Variants in TCEA3 observed in about 807,000 individuals in gnomAD.
The protein encoded by TCEA3 is transcription elongation factor A3, also known as transcription elongation factor A protein 3.
TCEA3 carries 36 observed loss-of-function variants against 44.0 expected under a neutral mutation model. The ratio of observed to expected loss-of-function variants is 0.82; its 90% CI spans 0.63 to 1.08. The LOEUF is 1.08. Ranked by LOEUF, TCEA3 falls within the 50% of genes least tolerant of loss-of-function variation. TCEA3 has a pLI of 0.00. For synonymous variants in TCEA3, 162 were observed against 159.7 expected, an observed-to-expected ratio of 1.01 and a Z score of -0.11; for missense variants, 392 against 441.2, an observed-to-expected ratio of 0.89 and a Z score of 1.00.
chr1:23,398,302 A>T (rs1214232762), intron 5 of TCEA3, among the ~76,000 whole-genome samples: 1 of 152,254 alleles, frequency 6.6e-6, no homozygotes, highest in Non-Finnish European at 1.5e-5. Context: ...GTTACTCATT[A>T]TAGAACAGTG....
At chr1:23,406,189 T>C (rs1420955754) in intron 5 of TCEA3, among the ~76,000 whole-genome samples, 2 of 152,210 alleles carry the variant, frequency 1.3e-5, no homozygotes, top group African/African-American at 4.8e-5. Flanking sequence ...CCAGATAGCT[T>C]CCATGCATCA....
intron 7 of TCEA3, among the ~76,000 whole-genome samples, chr1:23,394,339 CA>C (rs1201250631): frequency 6.6e-6 from 1 of 152,170 alleles, no homozygotes; most frequent in Non-Finnish European, 1.5e-5. Context: ...GTGAGTCACA[CA>C]ACCTCTACAC....
rs146579550 is a variant in TCEA3 at position 23,410,621 on chromosome 1, G to A, written c.381-1895C>T. On this transcript the variant is annotated intron_variant, in intron 4 of 10. Transcript: ENST00000450454. ...GTTCAAAACCAGCCTGGCCAACATG[G>A]TGAAACCCCATCTCTACTAAAAATA... 2.3e-3 allele frequency among the ~76,000 whole-genome samples: 352 copies of A among 151,998 alleles called. 2 individuals carry two copies. Among genetic ancestry groups the A allele is most frequent in the Non-Finnish European group, 3.6e-3 (246 of 67,998 alleles).
At chr1:23,418,967 C>T in intron 2 of TCEA3, 110 bp downstream of exon 2, 3 of 689,644 alleles carry the variant, frequency 4.4e-6, no homozygotes, top group African/African-American at 1.9e-5. Flanking sequence ...TCCCCACAGG[C>T]CCCCCTCAGA....
intron 7 of TCEA3, among the ~76,000 whole-genome samples, chr1:23,395,251 C>T (rs1282148791): frequency 4.6e-5 from 7 of 152,214 alleles, no homozygotes; most frequent in Non-Finnish European, 1.0e-4. Flanking sequence ...TATTGATATG[C>T]GGAGCCAGCA....
chr1:23,394,487 T>C (rs1019457578), intron 7 of TCEA3, among the ~76,000 whole-genome samples: 4 of 152,186 alleles, frequency 2.6e-5, no homozygotes, highest in Non-Finnish European at 5.9e-5. Context: ...GGATAACTTC[T>C]AGTTTGGAAG....
intron 5 of TCEA3, among the ~76,000 whole-genome samples, chr1:23,401,040 G>C (rs1490847923): frequency 6.6e-6 from 1 of 152,152 alleles, no homozygotes; most frequent in Non-Finnish European, 1.5e-5. Flanking sequence ...AGTAGCCCAG[G>C]CTTCTCAGGA....
rs1434341355 is a variant in TCEA3, at chr1:23,387,266, T to C, written c.966+7A>G. 6.2e-7 allele frequency: 1 copy of C among 1,613,574 alleles called. No homozygotes were observed. The highest frequency in any genetic ancestry group is 1.7e-5 in the Admixed American group (1 of 59,976). ...GCACCTCCGGCCCGTCCCCTCACTG[T>C]CCTTACCTGGTTATAGGTGCAGTTC... On this transcript the variant is annotated splice_region_variant and intron_variant, in intron 9 of 10. Transcript: ENST00000450454.
chr1:23,382,726 T>C (rs1420040564), intron 10 of TCEA3, among the ~76,000 whole-genome samples: 1 of 152,202 alleles, frequency 6.6e-6, no homozygotes, highest in African/African-American at 2.4e-5. Context: ...TAGATATGAA[T>C]ACCCTCATTT....
At position 23,424,643 on chromosome 1, in the gene TCEA3, C is replaced by T; in HGVS notation, c.-10G>A. 2 of 1,604,340 alleles carry T rather than the reference C, an allele frequency of 1.2e-6. No individual in the cohort carries two copies. The highest frequency in any genetic ancestry group is 2.3e-5 in the East Asian group (1 of 44,288). On this transcript the variant is annotated 5_prime_UTR_variant, in exon 1 of 11. Coordinates refer to ENST00000450454, the MANE Select transcript of TCEA3 (RefSeq NM_003196.3). ...CCTCTTCCTGGCCCATGTTGGCCCG[C>T]GACGCCCGGCGGGGCGAGGGGCACA...
In TCEA3 at chr1:23,387,309, G is replaced by T; in HGVS notation, c.930C>A (p.Cys310Ter). The T allele has an allele frequency of 6.2e-7, 1 of 1,613,952 alleles. No individual in the cohort carries two copies. The highest frequency in any genetic ancestry group is 8.5e-7 in the Non-Finnish European group (1 of 1,179,872). The change falls in exon 9 of 11, where the codon TGC (cysteine) becomes TGA (stop). Residue 310 changes from cysteine (C) to a stop codon, truncating the protein, a stop_gained. Coordinates refer to ENST00000450454, the MANE Select transcript of TCEA3 (RefSeq NM_003196.3). LOFTEE classifies it high-confidence loss of function. ...TGCAGTTCTTCTTCTTGCATTTGCT[G>T]CACTGGAAGAGGTCAGTGGTGGTGC... ...TGGTTTDLFQ[C>*]SKCKKKNCTY...
intron 8 of TCEA3, among the ~76,000 whole-genome samples, chr1:23,392,541 ACG>A (rs1639083639): frequency 8.2e-5 from 7 of 85,164 alleles, no homozygotes; most frequent in African/African-American, 3.3e-4. Flanking sequence ...CACATCATAC[ACG>A]CCACATACAC....
rs74578480 is a variant in TCEA3, at chr1:23,419,413, C to G, written c.70-274G>C. ...GTGCCTCTCCCCAGGAATGCCCTCC[C>G]CCTTCCCCATCTTTCCTCCCAAATG... is the stretch of plus-strand genomic sequence containing the variant. On this transcript the variant is annotated intron_variant, in intron 1 of 10. Transcript: ENST00000450454. The G allele has an allele frequency of 6.2e-3, 2,121 of 343,856 alleles. 45 individuals are homozygous for G. The highest frequency in any genetic ancestry group is 0.04 in the African/African-American group (1,896 of 47,606). 21.3% of individuals were successfully genotyped at this position (343,856 alleles called of 1,614,324 possible).
chr1:23,413,622 C>T (rs915372059), intron 4 of TCEA3, among the ~76,000 whole-genome samples: 4 of 151,796 alleles, frequency 2.6e-5, no homozygotes, highest in South Asian at 2.1e-4. Flanking sequence ...TTAGTAGAGA[C>T]AGGGTTTCAC....
At chr1:23,394,105 G>A in intron 7 of TCEA3, 72 bp from the exon 8 acceptor site, 1 of 1,555,044 alleles carries the variant, frequency 6.4e-7, no homozygotes, top group Non-Finnish European at 8.7e-7. Flanking sequence ...CCTGACGCCT[G>A]AGAGCTCCAG....
chr1:23,419,169 G>A (rs767400805), intron 1 of TCEA3, 30 bp from the exon 2 acceptor site: 4 of 1,557,740 alleles, frequency 2.6e-6, no homozygotes, highest in Admixed American at 3.8e-5. Context: ...GAGGACTGGG[G>A]CCTGGGTCCT....
At chr1:23,394,526 C>G (rs900979143) in intron 7 of TCEA3, among the ~76,000 whole-genome samples, 7 of 152,156 alleles carry the variant, frequency 4.6e-5, no homozygotes, top group Admixed American at 2.6e-4. Flanking sequence ...GTCCAGCTGT[C>G]AGAGGAAAAG....
chr1:23,407,085 A>C (rs1183423538), intron 5 of TCEA3, among the ~76,000 whole-genome samples: 2 of 152,182 alleles, frequency 1.3e-5, no homozygotes, highest in African/African-American at 4.8e-5. Flanking sequence ...CCTGATTTGC[A>C]TAAGCACAGT....
At chr1:23,384,310 A>G in intron 10 of TCEA3, 36 bp downstream of exon 10, 1 of 1,613,716 alleles carries the variant, frequency 6.2e-7, no homozygotes, top group East Asian at 2.2e-5. Context: ...AGGTATGTGG[A>G]TAACAGGGAA....
Sources: gnomAD v4.1 joint callset for allele counts (sites outside exome capture counted in the v4.1 genomes callset) on GRCh38, gnomAD v4.1.1 for gene constraint, MANE v1.5 for transcripts, NCBI Gene and HGNC (gene_info 2026-07-23, HGNC 2026-07-21) for gene names.